CSGALNACT1: variants seen among roughly 807,000 people sequenced by gnomAD.
CSGALNACT1 encodes chondroitin sulfate N-acetylgalactosaminyltransferase 1.
A neutral mutation model predicts 51.0 loss-of-function variants in CSGALNACT1; 52 were observed. That is an observed-to-expected ratio of 1.02 (90% confidence interval 0.82 to 1.29). The LOEUF (loss-of-function observed/expected upper bound fraction) is 1.29, where lower values mean the gene tolerates loss of function less well. Ranked by LOEUF, CSGALNACT1 falls within the 50% of genes most tolerant of loss-of-function variation. The pLI is 0.00. For missense variants in CSGALNACT1, 935 were observed against 679.2 expected, an observed-to-expected ratio of 1.38 and a Z score of -4.19; for synonymous variants, 341 against 254.4, an observed-to-expected ratio of 1.34 and a Z score of -3.24.
chr8:19,589,596 G>A (rs774295502), intron 3 of CSGALNACT1, among the ~76,000 whole-genome samples: 1 of 152,142 alleles, frequency 6.6e-6, no homozygotes, highest in East Asian at 1.9e-4. Context: ...CTCCAAAAGT[G>A]CTGGGATTAT....
chr8:19,674,580 C>T (rs191773629), intron 1 of CSGALNACT1, among the ~76,000 whole-genome samples: 3 of 152,168 alleles, frequency 2.0e-5, no homozygotes, highest in African/African-American at 7.2e-5. Context: ...GATGACCCTA[C>T]CACCGCAGAA....
chr8:19,757,872 A>G lies in CSGALNACT1; in HGVS notation c.-319T>C, dbSNP rs554472853. 6.6e-6 allele frequency: 1 copy of G among 152,490 alleles called. No individual in the cohort carries two copies. Among genetic ancestry groups the G allele is most frequent in the South Asian group, 2.1e-4 (1 of 4,828 alleles). 9.4% of individuals were successfully genotyped at this position (152,490 alleles called of 1,614,324 possible). A position where few individuals can be genotyped will look rare whatever the true frequency, so the allele number is the denominator to read the frequency against. ...TACAGCGAAGGTCAGGAACCCCTGT[A>G]ACTCTCACACCGCACCACTGTGGGT... On this transcript the variant is annotated 5_prime_UTR_variant, in exon 1 of 2. Coordinates refer to the CSGALNACT1 transcript ENST00000517494. The surrounding 1 kb of genome is among the most constrained non-coding windows in gnomAD (Gnocchi z 4.0).
chr8:19,565,055 T>G (rs1169648793), intron 3 of CSGALNACT1, among the ~76,000 whole-genome samples: 2 of 152,204 alleles, frequency 1.3e-5, no homozygotes, highest in African/African-American at 4.8e-5. Context: ...AAGTGCCCAC[T>G]ATATTACAAA....
At chr8:19,569,545 G>A (rs2042569869) in intron 3 of CSGALNACT1, among the ~76,000 whole-genome samples, 1 of 152,102 alleles carries the variant, frequency 6.6e-6, no homozygotes, top group Admixed American at 6.5e-5. Flanking sequence ...TTAAATTAGA[G>A]CTAGCACTTT....
At position 19,546,902 on chromosome 8, in the gene CSGALNACT1, T is replaced by C. The variant is rs566216804; in HGVS notation, c.-296-40772A>G. On this transcript the variant is annotated intron_variant, in intron 3 of 9. Coordinates refer to ENST00000454498, the Ensembl canonical transcript of CSGALNACT1. Reference sequence around the variant, plus strand: ...AGGTTCAGGGTGCAGAATGATCCTATGGCTTCACAATATCTCTTCACTGTC... The same window carrying C: ...AGGTTCAGGGTGCAGAATGATCCTACGGCTTCACAATATCTCTTCACTGTC... Among the ~76,000 whole-genome samples, 229 of 152,274 alleles carry C rather than the reference T, an allele frequency of 1.5e-3. 1 individual carries two copies. Among genetic ancestry groups the C allele is most frequent in the African/African-American group, 5.3e-3 (221 of 41,560 alleles).
intron 1 of CSGALNACT1, among the ~76,000 whole-genome samples, chr8:19,730,379 TAGTC>T (rs2063625602): frequency 6.6e-6 from 1 of 152,176 alleles, no homozygotes; most frequent in African/African-American, 2.4e-5. Context: ...GCAGGACTCC[TAGTC>T]AAGCTGCTAA....
intron 3 of CSGALNACT1, among the ~76,000 whole-genome samples, chr8:19,529,457 CAAG>C (rs1259399714): frequency 6.6e-6 from 1 of 152,182 alleles, no homozygotes; most frequent in Non-Finnish European, 1.5e-5. Flanking sequence ...GGAGCTAAAT[CAAG>C]AAGAAGCTCT....
chr8:19,557,886 G>T (rs995237568), intron 3 of CSGALNACT1, among the ~76,000 whole-genome samples: 4 of 152,170 alleles, frequency 2.6e-5, no homozygotes, highest in African/African-American at 9.7e-5. Flanking sequence ...CTCACACGTG[G>T]TAGCTTTTCA....
intron 1 of CSGALNACT1, among the ~76,000 whole-genome samples, chr8:19,733,084 TAATA>T (rs1669681099): frequency 6.6e-6 from 1 of 152,230 alleles, no homozygotes; most frequent in South Asian, 2.1e-4. Context: ...TTCTGAGGAT[TAATA>T]AATAATTTGA....
chr8:19,632,590 A>G (rs566802407), intron 1 of CSGALNACT1, among the ~76,000 whole-genome samples: 2 of 152,368 alleles, frequency 1.3e-5, no homozygotes, highest in East Asian at 3.9e-4. Flanking sequence ...GCAGCTATCT[A>G]CAGCGATCAC....
At chr8:19,591,998 A>C (rs931923072) in intron 2 of CSGALNACT1, among the ~76,000 whole-genome samples, 5 of 152,220 alleles carry the variant, frequency 3.3e-5, no homozygotes, top group African/African-American at 9.7e-5. Context: ...CCTGTTCAGC[A>C]TGTATAACCT....
At chr8:19,706,825 C>A (rs1251121720) in intron 1 of CSGALNACT1, among the ~76,000 whole-genome samples, 1 of 152,116 alleles carries the variant, frequency 6.6e-6, no homozygotes. Flanking sequence ...CAGGATCTTG[C>A]TATGTTGCCC....
chr8:19,724,611 G>A (rs1166032966), intron 1 of CSGALNACT1, among the ~76,000 whole-genome samples: 2 of 152,194 alleles, frequency 1.3e-5, no homozygotes, highest in Non-Finnish European at 2.9e-5. Flanking sequence ...AGATTACAAT[G>A]ACAAGGATTA....
chr8:19,470,878 C>G (rs1351773552), intron 4 of CSGALNACT1, among the ~76,000 whole-genome samples: 1 of 152,070 alleles, frequency 6.6e-6, no homozygotes, highest in Non-Finnish European at 1.5e-5. Context: ...GGCGGATCAC[C>G]TGAGGTCAGG....
intron 5 of CSGALNACT1, among the ~76,000 whole-genome samples, chr8:19,446,281 A>C (rs1353818716): frequency 6.6e-6 from 1 of 152,194 alleles, no homozygotes; most frequent in African/African-American, 2.4e-5. Context: ...ACCTGGACAC[A>C]TGGTACCTGG....
At chr8:19,484,806 G>C (rs1439281259) in intron 4 of CSGALNACT1, among the ~76,000 whole-genome samples, 1 of 152,172 alleles carries the variant, frequency 6.6e-6, no homozygotes, top group East Asian at 1.9e-4. Flanking sequence ...GGCTGCTCTG[G>C]TGGGTCCTAA....
At chr8:19,457,933 G>A (rs192368932) in intron 5 of CSGALNACT1, 4 of 662,532 alleles carry the variant, frequency 6.0e-6, no homozygotes, top group Admixed American at 4.9e-5. Flanking sequence ...ATAAAAGATA[G>A]ATTTGGATTC....
chr8:19,478,180 C>T (rs1392355263), intron 4 of CSGALNACT1, among the ~76,000 whole-genome samples: 1 of 151,988 alleles, frequency 6.6e-6, no homozygotes, highest in Non-Finnish European at 1.5e-5. Flanking sequence ...TTTGGGAGGC[C>T]AAGGCGGGTG....
intron 4 of CSGALNACT1, among the ~76,000 whole-genome samples, chr8:19,459,960 T>A (rs1241125458): frequency 6.6e-6 from 1 of 152,160 alleles, no homozygotes; most frequent in Non-Finnish European, 1.5e-5. Context: ...GCATCTCAGC[T>A]GCCCTCTCAG....
Sources: allele counts gnomAD v4.1 joint callset (sites outside exome capture counted in the v4.1 genomes callset), GRCh38; gene constraint gnomAD v4.1.1; non-coding constraint Gnocchi (gnomAD v3.1); transcripts MANE v1.5; gene names NCBI Gene and HGNC (gene_info 2026-07-23, HGNC 2026-07-21).